Variants in SGIP1 observed in about 807,000 individuals in gnomAD.
The protein encoded by SGIP1 is SH3-containing GRB2-like protein 3-interacting protein 1.
SGIP1 carries 38 observed loss-of-function variants against 107.5 expected under a neutral mutation model. That is an observed-to-expected ratio of 0.35 (90% CI 0.27 to 0.46). The LOEUF is 0.46. Among genes scored for constraint, SGIP1 ranks in the 20% least tolerant of loss-of-function variants. SGIP1 has a pLI of 1.00. For missense variants in SGIP1, 929 were observed against 1,019.5 expected (o/e 0.91, Z 1.21); for synonymous variants, 365 against 366.1 (o/e 1.00, Z 0.03).
rs2060389002 is a variant in SGIP1 at position 66,571,593 on chromosome 1, CCTT to C, written c.10+37227_10+37229del. On this transcript the variant is annotated intron_variant, in intron 1 of 24. Coordinates refer to ENST00000371037, the MANE Select transcript of SGIP1 (RefSeq NM_032291.4). ...CAGAGGGTAATTTTTATATTACTCT[CCTT>C]CATGTTTGTTTAAAGAGTAAAATTT... Among the ~76,000 whole-genome samples, 2 of 151,818 alleles carry C rather than the reference CCTT, an allele frequency of 1.3e-5. 1 individual carries two copies. The highest frequency in any genetic ancestry group is 4.8e-5 in the African/African-American group (2 of 41,326).
intron 13 of SGIP1, among the ~76,000 whole-genome samples, chr1:66,679,419 T>G (rs1289905788): frequency 1.3e-5 from 2 of 152,188 alleles, no homozygotes; most frequent in Non-Finnish European, 2.9e-5. Flanking sequence ...TTGAATCATA[T>G]TTACATGAAT....
At chr1:66,670,242 A>T (rs891941582) in intron 9 of SGIP1, among the ~76,000 whole-genome samples, 3 of 152,204 alleles carry the variant, frequency 2.0e-5, no homozygotes, top group African/African-American at 7.2e-5. Flanking sequence ...CTCTTAATCT[A>T]ATCAATCCTT....
intron 10 of SGIP1, among the ~76,000 whole-genome samples, chr1:66,671,520 A>C (rs1324612093): frequency 6.6e-6 from 1 of 152,216 alleles, no homozygotes; most frequent in Non-Finnish European, 1.5e-5. Flanking sequence ...TTCATAGTTA[A>C]AGATACAACA....
At chr1:66,629,815 G>A (rs1467441885) in intron 2 of SGIP1, among the ~76,000 whole-genome samples, 1 of 152,146 alleles carries the variant, frequency 6.6e-6, no homozygotes, top group Non-Finnish European at 1.5e-5. Flanking sequence ...CCTAACCTGG[G>A]TCATAGTGTA....
chr1:66,611,502 G>T (rs949800837), intron 1 of SGIP1, among the ~76,000 whole-genome samples: 2 of 152,206 alleles, frequency 1.3e-5, no homozygotes, highest in African/African-American at 4.8e-5. Context: ...TGTAGGTGAG[G>T]CCACATGGTC....
At chr1:66,580,236 A>G (rs557834230) in intron 1 of SGIP1, among the ~76,000 whole-genome samples, 1 of 152,258 alleles carries the variant, frequency 6.6e-6, no homozygotes, top group African/African-American at 2.4e-5. Flanking sequence ...AAGGCCCTAT[A>G]TAACCTAAGG....
chr1:66,739,531 C>T lies in SGIP1; in HGVS notation c.2228C>T (p.Ala743Val). 1 of 1,613,738 alleles carries T rather than the reference C, an allele frequency of 6.2e-7. No homozygotes were observed. Among genetic ancestry groups the T allele is most frequent in the Non-Finnish European group, 8.5e-7 (1 of 1,180,008 alleles). The stretch of plus-strand genomic sequence containing the variant: ...AAGCTCCAGGCAGTGCTCCCACCAG[C>T]AGTCTGGTATGAAGCCTCCTATTCT... ...VTKLQAVLPP[A>V]VWNAEQQRIL... Residue 743 changes from alanine to valine, a missense_variant, in exon 22 of 25, where the codon GCA becomes GTA. Ala to Val is a moderately conservative substitution (Grantham distance 64). Coordinates refer to ENST00000371037, the MANE Select transcript of SGIP1 (RefSeq NM_032291.4).
At chr1:66,648,344 A>T (rs1231306551) in intron 7 of SGIP1, among the ~76,000 whole-genome samples, 1 of 152,088 alleles carries the variant, frequency 6.6e-6, no homozygotes, top group Non-Finnish European at 1.5e-5. Context: ...TCTGTTCTTG[A>T]CATAAGGCCT....
intron 1 of SGIP1, among the ~76,000 whole-genome samples, chr1:66,538,993 A>G (rs981247355): frequency 1.3e-5 from 2 of 152,206 alleles, no homozygotes; most frequent in Non-Finnish European, 1.5e-5. Context: ...ATTATGTTCA[A>G]TTTTACCCTC....
At chr1:66,695,263 A>AAAAAATAAAAAAAAAAT in intron 17 of SGIP1, 171 bp from the exon 18 acceptor site, 1 of 1,307,256 alleles carries the variant, frequency 7.6e-7, no homozygotes. Flanking sequence ...ACTAAAAAAA[A>AAAAAATAAAAAAAAAAT]AAAAAAAAGT....
chr1:66,575,019 A>G (rs1156383011), intron 1 of SGIP1, among the ~76,000 whole-genome samples: 1 of 152,206 alleles, frequency 6.6e-6, no homozygotes, highest in Non-Finnish European at 1.5e-5. Flanking sequence ...GGGCAAGCAT[A>G]TGACTTGAGA....
At chr1:66,588,229 G>T (rs1319972889) in intron 1 of SGIP1, among the ~76,000 whole-genome samples, 1 of 152,086 alleles carries the variant, frequency 6.6e-6, no homozygotes, top group Non-Finnish European at 1.5e-5. Context: ...AAAGAAAATG[G>T]AATAGCTCCA....
chr1:66,624,476 T>G (rs1461370957), intron 1 of SGIP1, among the ~76,000 whole-genome samples: 2 of 152,186 alleles, frequency 1.3e-5, no homozygotes, highest in African/African-American at 4.8e-5. Flanking sequence ...AAATTGACAT[T>G]TTAAAGACCT....
chr1:66,651,815 G>A (rs1177116584), intron 7 of SGIP1, among the ~76,000 whole-genome samples: 6 of 152,180 alleles, frequency 3.9e-5, no homozygotes, highest in Non-Finnish European at 7.4e-5. Flanking sequence ...TATTATATAT[G>A]CAGATTGTTT....
At chr1:66,645,254 G>A (rs1045583253) in intron 7 of SGIP1, among the ~76,000 whole-genome samples, 1 of 152,184 alleles carries the variant, frequency 6.6e-6, no homozygotes, top group African/African-American at 2.4e-5. Flanking sequence ...CAGAAACATA[G>A]TGGATGTTTG....
chr1:66,700,190 C>A (rs576108679), intron 18 of SGIP1, among the ~76,000 whole-genome samples: 1 of 151,956 alleles, frequency 6.6e-6, no homozygotes, highest in South Asian at 2.1e-4. Context: ...AGCCAACATG[C>A]CGAAACCCCG....
intron 1 of SGIP1, among the ~76,000 whole-genome samples, chr1:66,604,266 C>G (rs1255412287): frequency 1.3e-5 from 2 of 152,042 alleles, no homozygotes; most frequent in African/African-American, 4.8e-5. Flanking sequence ...TTCTGAGTTT[C>G]GTCTCATAAT....
At chr1:66,693,256 T>TAATAAATAAATAAATAAATA (rs3077736) in intron 17 of SGIP1, among the ~76,000 whole-genome samples, 2,864 of 142,616 alleles carry the variant, frequency 0.02, 40 homozygotes, top group Admixed American at 0.026. Context: ...TTTTTAAAAA[T>TAATAAATAAATAAATAAATA]AATAAATAAA....
In SGIP1 at chr1:66,733,793, C is replaced by T. The variant is rs2094120163; in HGVS notation, c.1944C>T (p.Asn648=). 8 of 1,613,298 alleles carry T rather than the reference C, an allele frequency of 5.0e-6. No homozygotes were observed. The highest frequency in any genetic ancestry group is 1.6e-4 in the Middle Eastern group (1 of 6,076). Residue 648 remains asparagine (N), a synonymous_variant, in exon 21 of 25, where the codon AAC becomes AAT. Coordinates refer to ENST00000371037, the MANE Select transcript of SGIP1 (RefSeq NM_032291.4). ...CCAATACCAAGGAATTCTGGGTAAA[C>T]ATGCCAAATTTGATGACTCACCTAA... is the stretch of plus-strand genomic sequence containing the variant. The part of the protein sequence containing the change: ...NDANTKEFWV[N]MPNLMTHLKK...
Sources: allele counts gnomAD v4.1 joint callset (sites outside exome capture counted in the v4.1 genomes callset), GRCh38; gene constraint gnomAD v4.1.1; transcripts MANE v1.5; gene names NCBI Gene and HGNC (gene_info 2026-07-23, HGNC 2026-07-21).